PLEKHG1: variants seen among roughly 807,000 people sequenced by gnomAD.
The protein encoded by PLEKHG1 is pleckstrin homology and RhoGEF domain containing G1.
In PLEKHG1, 44 loss-of-function variants were observed where a neutral mutation model predicts 100.8. That is an observed-to-expected ratio of 0.44 (90% CI 0.34 to 0.56). The LOEUF is 0.56. PLEKHG1 is among the 20% of genes least tolerant of loss of function. The pLI, the probability that PLEKHG1 is intolerant of heterozygous loss-of-function variation, is 0.01. For missense variants in PLEKHG1, 1,545 were observed against 1,720.9 expected (o/e 0.90, Z 1.81); for synonymous variants, 640 against 662.5 (o/e 0.97, Z 0.52).
At chr6:150,814,282 G>C (rs1562544024) in intron 10 of PLEKHG1, among the ~76,000 whole-genome samples, 1 of 152,162 alleles carries the variant, frequency 6.6e-6, no homozygotes, top group African/African-American at 2.4e-5. Context: ...AATCAAAATT[G>C]CTAACAAGAT....
At chr6:150,690,235 AT>A (rs1231536402) in intron 3 of PLEKHG1, among the ~76,000 whole-genome samples, 4 of 152,158 alleles carry the variant, frequency 2.6e-5, no homozygotes, top group Admixed American at 6.5e-5. Flanking sequence ...TCCATAAGTA[AT>A]TGGGGGTACA....
intron 3 of PLEKHG1, among the ~76,000 whole-genome samples, chr6:150,656,346 C>T (rs1036400806): frequency 2.6e-5 from 4 of 152,114 alleles, no homozygotes; most frequent in Non-Finnish European, 4.4e-5. Flanking sequence ...AGCTCCTGTT[C>T]CTGTCCTTGG....
chr6:150,783,249 G>A (rs775338811), intron 3 of PLEKHG1, among the ~76,000 whole-genome samples: 2 of 150,818 alleles, frequency 1.3e-5, no homozygotes, highest in African/African-American at 4.9e-5. Context: ...AAGATAGAGA[G>A]TAGAAGAGGA....
chr6:150,815,596 A>T lies in PLEKHG1; in HGVS notation c.1279-2587A>T, dbSNP rs530268503. 1.0e-3 allele frequency among the ~76,000 whole-genome samples: 155 copies of T among 152,344 alleles called. 1 individual carries two copies. Among genetic ancestry groups the T allele is most frequent in the African/African-American group, 3.4e-3 (141 of 41,586 alleles). On this transcript the variant is annotated intron_variant, in intron 10 of 15. Transcript: ENST00000358517. Reference sequence around the variant, plus strand: ...GCAAGTAATTTCAACTCATAATCTCAAACTCTGAATGTATGAGAGAGATAG... The same window carrying T: ...GCAAGTAATTTCAACTCATAATCTCTAACTCTGAATGTATGAGAGAGATAG...
At chr6:150,798,032 C>T (rs1326834141) in intron 5 of PLEKHG1, among the ~76,000 whole-genome samples, 2 of 152,072 alleles carry the variant, frequency 1.3e-5, no homozygotes, top group East Asian at 3.9e-4. Context: ...TATCTGTAGA[C>T]CCACCCATAG....
chr6:150,830,961 C>A (rs372458199), exon 15 of PLEKHG1: 32 of 1,613,850 alleles, frequency 2.0e-5, no homozygotes, highest in Non-Finnish European at 2.6e-5. Context: ...GAGAGCAACA[C>A]ATGCCCTCCT....
chr6:150,650,025 A>G (rs1270798322), intron 2 of PLEKHG1, among the ~76,000 whole-genome samples: 1 of 150,352 alleles, frequency 6.7e-6, no homozygotes, highest in Non-Finnish European at 1.5e-5. Context: ...AAAATAAATA[A>G]ATAAAAATAA....
intron 5 of PLEKHG1, among the ~76,000 whole-genome samples, chr6:150,796,594 G>GT (rs1300386038): frequency 6.6e-6 from 1 of 152,168 alleles, no homozygotes; most frequent in African/African-American, 2.4e-5. Flanking sequence ...CCTAAGCCCT[G>GT]TGCTAAATGC....
chr6:150,667,023 G>T (rs922722659), intron 3 of PLEKHG1, among the ~76,000 whole-genome samples: 3 of 152,154 alleles, frequency 2.0e-5, no homozygotes, highest in African/African-American at 4.8e-5. Flanking sequence ...CTCCCAAAGT[G>T]CTGGGATTAC....
chr6:150,818,231 C>A lies in PLEKHG1; in HGVS notation c.1312+15C>A, dbSNP rs772619995. On this transcript the variant is annotated intron_variant, in intron 11 of 15. Transcript: ENST00000358517. Reference sequence around the variant, plus strand: ...GGATGCCATTCGTAAGTTTTATTTCCTTAAAACAATTTGAAATTTCATTGT... The same window carrying A: ...GGATGCCATTCGTAAGTTTTATTTCATTAAAACAATTTGAAATTTCATTGT... 10 of 1,564,478 alleles carry A rather than the reference C, an allele frequency of 6.4e-6. No homozygotes were observed. Among genetic ancestry groups the A allele is most frequent in the Non-Finnish European group, 1.8e-6 (2 of 1,136,182 alleles).
At chr6:150,822,000 C>A (rs1462903318) in intron 13 of PLEKHG1, among the ~76,000 whole-genome samples, 3 of 150,632 alleles carry the variant, frequency 2.0e-5, no homozygotes, top group African/African-American at 4.9e-5. Context: ...TGCCACCGCG[C>A]CTGGCTAATT....
chr6:150,667,258 C>A (rs1779436912), intron 3 of PLEKHG1, among the ~76,000 whole-genome samples: 1 of 152,128 alleles, frequency 6.6e-6, no homozygotes, highest in Admixed American at 6.5e-5. Flanking sequence ...AAAATGTTTG[C>A]TCACCAGTCT....
At chr6:150,785,503 T>C (rs1330341466) in intron 3 of PLEKHG1, among the ~76,000 whole-genome samples, 1 of 152,190 alleles carries the variant, frequency 6.6e-6, no homozygotes. Flanking sequence ...CACAATGAAG[T>C]ATTATGCTGT....
At chr6:150,706,986 C>CTTTTTT (rs1781040055) in intron 3 of PLEKHG1, among the ~76,000 whole-genome samples, 5 of 54,724 alleles carry the variant, frequency 9.1e-5, no homozygotes, top group Admixed American at 2.1e-4. Context: ...CTTTTCTTTT[C>CTTTTTT]TTTTTCTTTT....
chr6:150,635,838 C>A (rs780147120), intron 1 of PLEKHG1, among the ~76,000 whole-genome samples: 3 of 152,088 alleles, frequency 2.0e-5, no homozygotes, highest in Non-Finnish European at 2.9e-5. Flanking sequence ...CTGGCCAGGA[C>A]TCGTCAAGCA....
At chr6:150,735,372 C>G (rs1380151528) in intron 2 of PLEKHG1, among the ~76,000 whole-genome samples, 1 of 152,116 alleles carries the variant, frequency 6.6e-6, no homozygotes, top group East Asian at 1.9e-4. Context: ...CTACCTGTTT[C>G]CTGTTTTAGA....
At chr6:150,752,077 T>G (rs907258629) in intron 2 of PLEKHG1, among the ~76,000 whole-genome samples, 5 of 151,920 alleles carry the variant, frequency 3.3e-5, no homozygotes, top group Admixed American at 3.3e-4. Context: ...TCCCAGCTGC[T>G]CGGGAGGCTG....
intron 3 of PLEKHG1, among the ~76,000 whole-genome samples, chr6:150,708,310 C>T (rs1781105707): frequency 1.3e-5 from 2 of 152,284 alleles, no homozygotes; most frequent in Middle Eastern, 6.8e-3. Flanking sequence ...GCTTATTCTA[C>T]TTGTCCTACC....
chr6:150,653,369 T>C (rs1403928323), intron 3 of PLEKHG1, among the ~76,000 whole-genome samples: 2 of 152,082 alleles, frequency 1.3e-5, no homozygotes, highest in East Asian at 3.8e-4. Flanking sequence ...AAAGTCATCA[T>C]GGGGCCCCAC....
Sources: allele counts gnomAD v4.1 joint callset (sites outside exome capture counted in the v4.1 genomes callset), GRCh38; gene constraint gnomAD v4.1.1; transcripts MANE v1.5; gene names NCBI Gene and HGNC (gene_info 2026-07-23, HGNC 2026-07-21).